The following DHRSX variants were observed in gnomAD, a reference collection of about 807,000 sequenced individuals.
DHRSX encodes the protein dehydrogenase/reductase X-linked.
A neutral mutation model predicts 34.0 loss-of-function variants in DHRSX; 31 were observed. The ratio of observed to expected loss-of-function variants is 0.91; its 90% CI spans 0.69 to 1.23. The LOEUF is 1.23. Among genes scored for constraint, DHRSX ranks in the 50% most tolerant of loss-of-function variants. DHRSX has a pLI of 0.00. For synonymous variants in DHRSX, 201 were observed against 183.8 expected, an observed-to-expected ratio of 1.09 and a Z score of -0.76; for missense variants, 414 against 428.1, an observed-to-expected ratio of 0.97 and a Z score of 0.29.
chrX:2,241,152 C>A (rs1204444878), intron 6 of DHRSX, among the ~76,000 whole-genome samples: 1 of 152,138 alleles, frequency 6.6e-6, no homozygotes, highest in Non-Finnish European at 1.5e-5. Flanking sequence ...CCACGGCACT[C>A]CAGCCTGGTG....
At chrX:2,226,242 A>G (rs1569476334) in intron 6 of DHRSX, among the ~76,000 whole-genome samples, 1 of 152,046 alleles carries the variant, frequency 6.6e-6, no homozygotes, top group Non-Finnish European at 1.5e-5. Flanking sequence ...AGGCAATTAT[A>G]CCCACACTTA....
intron 3 of DHRSX, among the ~76,000 whole-genome samples, chrX:2,405,694 G>A (rs1203228112): frequency 2.0e-5 from 3 of 152,054 alleles, no homozygotes; most frequent in African/African-American, 7.2e-5. Context: ...CTACTGGGGA[G>A]GCTGAGGCAG....
At chrX:2,295,588 A>C (rs1032072595) in intron 3 of DHRSX, among the ~76,000 whole-genome samples, 1 of 152,164 alleles carries the variant, frequency 6.6e-6, no homozygotes, top group Non-Finnish European at 1.5e-5. Context: ...CCAAAAAAAC[A>C]AGAAGAAAAG....
At chrX:2,252,546 A>C (rs2016457353) in intron 5 of DHRSX, among the ~76,000 whole-genome samples, 1 of 152,196 alleles carries the variant, frequency 6.6e-6, no homozygotes, top group East Asian at 1.9e-4. Flanking sequence ...GGTAAGAGGA[A>C]TGGTTACTTG....
At chrX:2,444,706 C>A (rs975687541) in intron 1 of DHRSX, among the ~76,000 whole-genome samples, 3 of 151,992 alleles carry the variant, frequency 2.0e-5, no homozygotes, top group African/African-American at 7.3e-5. Flanking sequence ...CATGATGGCA[C>A]ACACCTGGAG....
chrX:2,406,639 C>T (rs956594622), intron 3 of DHRSX, among the ~76,000 whole-genome samples: 17 of 152,022 alleles, frequency 1.1e-4, no homozygotes, highest in African/African-American at 3.1e-4. Flanking sequence ...CGAGGTTTCA[C>T]CATGTTAGCC....
chrX:2,298,165 G>T (rs1448319753), intron 3 of DHRSX, among the ~76,000 whole-genome samples: 4 of 152,050 alleles, frequency 2.6e-5, no homozygotes, highest in Non-Finnish European at 4.4e-5. Context: ...GCCGTGGGAT[G>T]CCTGGAGCCC....
At chrX:2,384,774 A>AGG (rs202128844) in intron 3 of DHRSX, among the ~76,000 whole-genome samples, 1 of 63,142 alleles carries the variant, frequency 1.6e-5, no homozygotes, top group African/African-American at 9.8e-5. Flanking sequence ...GGGTGGGGGG[A>AGG]GGGGGGGGAT....
At chrX:2,289,965 G>T (rs2041847124) in intron 4 of DHRSX, among the ~76,000 whole-genome samples, 1 of 152,160 alleles carries the variant, frequency 6.6e-6, no homozygotes, top group African/African-American at 2.4e-5. Context: ...ACATGGAAAT[G>T]GTGTTGTCTG....
At chrX:2,427,001 T>A (rs1161459923) in intron 1 of DHRSX, among the ~76,000 whole-genome samples, 1 of 152,216 alleles carries the variant, frequency 6.6e-6, no homozygotes. Flanking sequence ...GACATTTGGT[T>A]CCCCTGGGAA....
chrX:2,493,132 A>C (rs1396461675), intron 1 of DHRSX, among the ~76,000 whole-genome samples: 2 of 152,174 alleles, frequency 1.3e-5, no homozygotes, highest in African/African-American at 4.8e-5. Flanking sequence ...GGTTTGTTCT[A>C]AGGTGCTGAG....
Position 2,412,015 on chromosome X carries a change from C to T in DHRSX, c.218-3202G>A, listed in dbSNP as rs183289891. On this transcript the variant is annotated intron_variant, in intron 2 of 6. Coordinates refer to ENST00000334651, the MANE Select transcript of DHRSX (RefSeq NM_145177.3). ...CGGTATCTTCTTTGGCCAATGTCAC[C>T]TTCAGCAATTGTCTCCTCAGACCTG... Among the ~76,000 whole-genome samples, 315 of 152,310 alleles carry T rather than the reference C, an allele frequency of 2.1e-3. 5 individuals carry two copies. The East Asian group carries it at 0.052, about 25-fold the overall frequency.
chrX:2,377,359 G>T (rs1192259375), intron 3 of DHRSX, among the ~76,000 whole-genome samples: 1 of 151,678 alleles, frequency 6.6e-6, no homozygotes, highest in African/African-American at 2.4e-5. Context: ...GGGGGGTGAT[G>T]GGAGACAGTG....
At chrX:2,500,484 C>A (rs1248055907) in intron 1 of DHRSX, 1 of 156,382 alleles carries the variant, frequency 6.4e-6, no homozygotes. Context: ...TGTCAGGGTG[C>A]GCGGGGGGGC....
chrX:2,357,754 G>GAC (rs753269111), intron 3 of DHRSX, among the ~76,000 whole-genome samples: 3,423 of 146,060 alleles, frequency 0.023, 112 homozygotes, highest in African/African-American at 0.081. Context: ...ACTGTGCCCA[G>GAC]ACACACACAC....
chrX:2,413,159 C>T (rs913536444), intron 2 of DHRSX, among the ~76,000 whole-genome samples: 2 of 152,030 alleles, frequency 1.3e-5, no homozygotes, highest in Admixed American at 1.3e-4. Context: ...TGCGCCACTG[C>T]ACTCCAGCCT....
At chrX:2,373,298 C>G (rs1402615878) in intron 3 of DHRSX, among the ~76,000 whole-genome samples, 2 of 152,150 alleles carry the variant, frequency 1.3e-5, no homozygotes, top group African/African-American at 4.8e-5. Flanking sequence ...CACAGCCATC[C>G]CATCGTTACA....
chrX:2,230,663 G>A (rs1411011363), intron 6 of DHRSX, among the ~76,000 whole-genome samples: 1 of 152,144 alleles, frequency 6.6e-6, no homozygotes, highest in African/African-American at 2.4e-5. Context: ...ATCAGGAGAA[G>A]GCCTTCACAG....
At chrX:2,367,246 T>A (rs1466197219) in intron 3 of DHRSX, among the ~76,000 whole-genome samples, 1 of 151,990 alleles carries the variant, frequency 6.6e-6, no homozygotes, top group Admixed American at 6.6e-5. Flanking sequence ...AAGACCAGCC[T>A]GACCAACATG....
Sources: gnomAD v4.1 joint callset for allele counts (sites outside exome capture counted in the v4.1 genomes callset) on GRCh38, gnomAD v4.1.1 for gene constraint, MANE v1.5 for transcripts, NCBI Gene and HGNC (gene_info 2026-07-23, HGNC 2026-07-21) for gene names.